TMEM117: variants seen among roughly 807,000 people sequenced by gnomAD.
The protein encoded by TMEM117 is transmembrane protein 117.
TMEM117 carries 27 observed loss-of-function variants against 52.4 expected under a neutral mutation model. The ratio of observed to expected loss-of-function variants is 0.51; its 90% CI spans 0.38 to 0.71. The LOEUF (loss-of-function observed/expected upper bound fraction) is 0.71, where lower values mean the gene tolerates loss of function less well. Ranked by LOEUF, TMEM117 falls within the 30% of genes least tolerant of loss-of-function variation. The pLI, the probability that TMEM117 is intolerant of heterozygous loss-of-function variation, is 0.00. For missense variants in TMEM117, 556 were observed against 630.5 expected (o/e 0.88, Z 1.26); for synonymous variants, 215 against 206.3 (o/e 1.04, Z -0.36).
At chr12:43,969,744 A>C (rs1945550609) in intron 3 of TMEM117, among the ~76,000 whole-genome samples, 1 of 151,992 alleles carries the variant, frequency 6.6e-6, no homozygotes, top group South Asian at 2.1e-4. Flanking sequence ...ACGGTCACCT[A>C]GGGACTCTGT....
intron 5 of TMEM117, among the ~76,000 whole-genome samples, chr12:44,223,230 G>A (rs1412715145): frequency 6.6e-6 from 1 of 151,714 alleles, no homozygotes; most frequent in Non-Finnish European, 1.5e-5. Context: ...GCCCCAGTGT[G>A]TGAACACATA....
intron 5 of TMEM117, among the ~76,000 whole-genome samples, chr12:44,256,322 T>C (rs963425358): frequency 3.3e-5 from 5 of 151,998 alleles, no homozygotes; most frequent in Non-Finnish European, 7.4e-5. Flanking sequence ...ATATATGGAA[T>C]CTCATTATTA....
At chr12:43,868,107 C>CACACAG (rs1943637312) in intron 2 of TMEM117, among the ~76,000 whole-genome samples, 1 of 150,144 alleles carries the variant, frequency 6.7e-6, no homozygotes, top group Non-Finnish European at 1.5e-5. Context: ...TACACACACA[C>CACACAG]ACACAGACAC....
chr12:43,917,021 C>T (rs912793844), intron 2 of TMEM117, among the ~76,000 whole-genome samples: 4 of 152,098 alleles, frequency 2.6e-5, no homozygotes, highest in Non-Finnish European at 5.9e-5. Context: ...CATTTATTTA[C>T]GGCCTCCCTA....
At chr12:44,061,917 C>T (rs1457129787) in intron 3 of TMEM117, among the ~76,000 whole-genome samples, 8 of 151,992 alleles carry the variant, frequency 5.3e-5, no homozygotes, top group Non-Finnish European at 1.0e-4. Context: ...TTATCTTTTC[C>T]TCAGAGGCAG....
At chr12:43,954,269 C>T (rs866310984) in intron 3 of TMEM117, among the ~76,000 whole-genome samples, 70 of 151,996 alleles carry the variant, frequency 4.6e-4, no homozygotes, top group African/African-American at 1.6e-3. Flanking sequence ...AAACAAATCT[C>T]ATAGTTAGCA....
intron 5 of TMEM117, among the ~76,000 whole-genome samples, chr12:44,257,861 G>A (rs1950277655): frequency 6.6e-6 from 1 of 152,070 alleles, no homozygotes; most frequent in Admixed American, 6.6e-5. Context: ...ATGCACATAT[G>A]TTTTTGGATT....
chr12:44,037,198 G>A (rs541434341), intron 3 of TMEM117, among the ~76,000 whole-genome samples: 3 of 152,168 alleles, frequency 2.0e-5, no homozygotes, highest in Non-Finnish European at 2.9e-5. Flanking sequence ...GTGCTCTTGG[G>A]GGCTGGAAGC....
intron 3 of TMEM117, among the ~76,000 whole-genome samples, chr12:44,030,983 T>G (rs1000726599): frequency 6.6e-6 from 1 of 152,192 alleles, no homozygotes; most frequent in Admixed American, 6.5e-5. Context: ...ACAAAACTTA[T>G]AAAGGGTTAT....
intron 1 of TMEM117, among the ~76,000 whole-genome samples, chr12:43,839,208 TC>T (rs1022404980): frequency 1.3e-5 from 2 of 152,134 alleles, no homozygotes; most frequent in Non-Finnish European, 2.9e-5. Context: ...CTGCTTCTGT[TC>T]CTTGCCCTCC....
At chr12:44,164,647 G>A (rs1285611732) in intron 4 of TMEM117, among the ~76,000 whole-genome samples, 1 of 152,144 alleles carries the variant, frequency 6.6e-6, no homozygotes, top group Non-Finnish European at 1.5e-5. Flanking sequence ...TGAAGATTCT[G>A]TAAACTCTGG....
the TMEM117 span, chr12:43,802,469 GA>G: frequency 6.3e-7 from 1 of 1,598,048 alleles, no homozygotes; most frequent in Non-Finnish European, 8.5e-7. Context: ...GTTGCTCTAT[GA>G]AAAATTATTT....
At chr12:43,924,958 C>A (rs189747268) in intron 2 of TMEM117, among the ~76,000 whole-genome samples, 46 of 152,230 alleles carry the variant, frequency 3.0e-4, no homozygotes, top group Non-Finnish European at 4.9e-4. Flanking sequence ...TGGAAAGTTA[C>A]CTTCTAAGAT....
At chr12:44,361,983 G>A (rs1489125465) in intron 6 of TMEM117, among the ~76,000 whole-genome samples, 1 of 152,132 alleles carries the variant, frequency 6.6e-6, no homozygotes, top group Non-Finnish European at 1.5e-5. Context: ...GCAGAGCACT[G>A]GCATGAAGTA....
chr12:44,205,628 A>C (rs1031179962), intron 4 of TMEM117, among the ~76,000 whole-genome samples: 1 of 152,236 alleles, frequency 6.6e-6, no homozygotes, highest in Non-Finnish European at 1.5e-5. Flanking sequence ...TATCAAAGGA[A>C]GACATACACA....
At position 44,364,514 on chromosome 12, in the gene TMEM117, T is replaced by C. The variant is rs192347851; in HGVS notation, c.769-12081T>C. Reference sequence around the variant, plus strand: ...AGATTAGTTTTTAATGTAGGTTACATTGACAATTCTATTTAAAATCAAATA... The same window carrying C: ...AGATTAGTTTTTAATGTAGGTTACACTGACAATTCTATTTAAAATCAAATA... On this transcript the variant is annotated intron_variant, in intron 6 of 7. Coordinates refer to ENST00000266534, the MANE Select transcript of TMEM117 (RefSeq NM_032256.3). 4.6e-5 allele frequency among the ~76,000 whole-genome samples: 7 copies of C among 152,208 alleles called. No homozygotes were observed. The East Asian group carries it at 1.2e-3, about 25-fold the overall frequency.
chr12:43,804,426 C>T, the TMEM117 span: 1 of 960,352 alleles, frequency 1.0e-6, no homozygotes, highest in Non-Finnish European at 1.6e-6. Flanking sequence ...ACTGACAACA[C>T]ACAGTAAGTT....
intron 4 of TMEM117, among the ~76,000 whole-genome samples, chr12:44,152,095 A>T (rs1308879628): frequency 3.5e-5 from 4 of 113,628 alleles, no homozygotes; most frequent in Non-Finnish European, 4.9e-5. Flanking sequence ...TTATAAACAT[A>T]AATATATAAT....
At chr12:44,071,145 C>T (rs1947295756) in intron 3 of TMEM117, among the ~76,000 whole-genome samples, 1 of 151,942 alleles carries the variant, frequency 6.6e-6, no homozygotes, top group Admixed American at 6.6e-5. Context: ...TTTAACTAAC[C>T]CTGTAGTTTC....
Sources: allele counts gnomAD v4.1 joint callset (sites outside exome capture counted in the v4.1 genomes callset), GRCh38; gene constraint gnomAD v4.1.1; transcripts MANE v1.5; gene names NCBI Gene and HGNC (gene_info 2026-07-23, HGNC 2026-07-21).